The following CAMK1G variants were observed in gnomAD, a reference collection of about 807,000 sequenced individuals.
The protein encoded by CAMK1G is calcium/calmodulin dependent protein kinase IG, also known as calcium/calmodulin-dependent protein kinase type 1G.
Under a neutral mutation model 54.8 loss-of-function variants are expected in CAMK1G, and 27 were observed. That is an observed-to-expected ratio of 0.49 (90% CI 0.36 to 0.68). The LOEUF is 0.68. Among genes scored for constraint, CAMK1G ranks in the 30% least tolerant of loss-of-function variants. The pLI is 0.00. For synonymous variants in CAMK1G, 238 were observed against 224.9 expected, an observed-to-expected ratio of 1.06 and a Z score of -0.52; for missense variants, 512 against 591.0, an observed-to-expected ratio of 0.87 and a Z score of 1.39.
chr1:209,584,100 C>A (rs932484946), intron 1 of CAMK1G, among the ~76,000 whole-genome samples: 10 of 152,136 alleles, frequency 6.6e-5, no homozygotes, highest in Non-Finnish European at 1.3e-4. Flanking sequence ...ATTCTAGGGA[C>A]AAGGCTCTGT....
intron 1 of CAMK1G, among the ~76,000 whole-genome samples, chr1:209,589,222 G>A (rs1405329364): frequency 3.3e-5 from 5 of 152,288 alleles, no homozygotes; most frequent in South Asian, 2.1e-4. Flanking sequence ...GTGGGTAGAC[G>A]GACTCTAGGT....
chr1:209,600,308 A>G (rs1439676125), intron 3 of CAMK1G, among the ~76,000 whole-genome samples, 197 bp downstream of exon 3: 1 of 151,278 alleles, frequency 6.6e-6, no homozygotes, highest in Non-Finnish European at 1.5e-5. Context: ...TTTTGGCAAC[A>G]AATTGATGAG....
In CAMK1G at chr1:209,609,235, ATCT is replaced by A. The variant is rs1157842212; in HGVS notation, c.748+146_748+148del. On this transcript the variant is annotated intron_variant, in intron 8 of 12. Coordinates refer to ENST00000361322, the MANE Select transcript of CAMK1G (RefSeq NM_020439.3). ...ACAGGCTGCCAAGGAAAGTGGAGAA[ATCT>A]TCGTCTGCTTCAAAGACCCGATAAA... is the stretch of plus-strand genomic sequence containing the variant. 6 of 940,522 alleles carry A rather than the reference ATCT, an allele frequency of 6.4e-6. No homozygotes were observed. The East Asian group carries it at 1.5e-4, about 24-fold the overall frequency. The allele number at this position is 940,522 out of a possible 1,614,324, so 58.3% of individuals were successfully genotyped here.
chr1:209,605,088 T>A (rs1041094952), intron 4 of CAMK1G, among the ~76,000 whole-genome samples: 1 of 152,158 alleles, frequency 6.6e-6, no homozygotes, highest in Non-Finnish European at 1.5e-5. Context: ...TTTCCCAAAA[T>A]GAGAAGAGAA....
chr1:209,596,917 G>C (rs1011983755), intron 2 of CAMK1G, among the ~76,000 whole-genome samples: 8 of 152,198 alleles, frequency 5.3e-5, no homozygotes, highest in Admixed American at 3.3e-4. Context: ...AATTTTGGGA[G>C]ATAGGATGCA....
At chr1:209,612,663 G>C in intron 11 of CAMK1G, 122 bp from the exon 12 acceptor site, 1 of 747,142 alleles carries the variant, frequency 1.3e-6, no homozygotes, top group Non-Finnish European at 2.3e-6. Flanking sequence ...TGAACTTTCT[G>C]AACCTCATGA....
At chr1:209,596,749 A>C (rs1233602832) in intron 2 of CAMK1G, among the ~76,000 whole-genome samples, 2 of 152,022 alleles carry the variant, frequency 1.3e-5, no homozygotes, top group Non-Finnish European at 1.5e-5. Context: ...ACATGATGAC[A>C]TGTCACCTCT....
intron 6 of CAMK1G, among the ~76,000 whole-genome samples, 154 bp downstream of exon 6, chr1:209,606,597 C>T (rs1301073959): frequency 6.6e-6 from 1 of 152,206 alleles, no homozygotes; most frequent in Non-Finnish European, 1.5e-5. Context: ...CCAGCCAATT[C>T]ATCCGTCTCA....
At chr1:209,584,552 A>C (rs530897189) in intron 1 of CAMK1G, among the ~76,000 whole-genome samples, 2 of 151,978 alleles carry the variant, frequency 1.3e-5, no homozygotes, top group South Asian at 2.1e-4. Flanking sequence ...CACCACCACC[A>C]CCCCCATCCA....
Position 209,600,094 on chromosome 1 carries a change from G to T in CAMK1G, c.204G>T (p.Glu68Asp). The T allele has an allele frequency of 6.2e-7, 1 of 1,613,752 alleles. No individual in the cohort carries two copies. The highest frequency in any genetic ancestry group is 8.5e-7 in the Non-Finnish European group (1 of 1,179,792). The change falls in exon 3 of 13, where the codon GAG becomes GAT. Residue 68 changes from glutamate (E) to aspartate (D), a missense_variant. Physicochemically the swap from Glu to Asp is conservative, Grantham distance 45 (BLOSUM62 2). Transcript: ENST00000361322. ...TCCGGGACAGCAGCCTGGAGAATGA[G>T]ATTGCTGTGTTGAAAAAGTGAGTGG... The part of the protein sequence containing the change: ...PAFRDSSLEN[E>D]IAVLKKIKHE...
chr1:209,594,333 C>T (rs1221908227), intron 1 of CAMK1G, among the ~76,000 whole-genome samples: 1 of 152,220 alleles, frequency 6.6e-6, no homozygotes, highest in Non-Finnish European at 1.5e-5. Flanking sequence ...CGGCACCTTG[C>T]ACACGGTAGG....
intron 8 of CAMK1G, 119 bp downstream of exon 8, chr1:209,609,211 C>A: frequency 8.5e-7 from 1 of 1,170,682 alleles, no homozygotes; most frequent in Non-Finnish European, 1.2e-6. Context: ...TCTTACAGAA[C>A]AGGCTGCCAA....
rs561668582 is a variant in CAMK1G at position 209,607,774 on chromosome 1, C to A, written c.560-84C>A. ...CCATCCCACAGTCTTCCCCAGACCT[C>A]TTCTCTAAGCCTGGCCTTCAGCTCC... is the stretch of plus-strand genomic sequence containing the variant. On this transcript the variant is annotated intron_variant, in intron 6 of 12. Transcript: ENST00000361322. 8.5e-5 allele frequency: 96 copies of A among 1,124,696 alleles called. No individual in the cohort carries two copies. In the African/African-American group the frequency reaches 1.4e-3, roughly 16 times the overall value. The allele number at this position is 1,124,696 out of a possible 1,614,324, so 69.7% of individuals were successfully genotyped here.
intron 8 of CAMK1G, 53 bp downstream of exon 8, chr1:209,609,145 A>C: frequency 6.2e-7 from 1 of 1,609,470 alleles, no homozygotes; most frequent in South Asian, 1.1e-5. Flanking sequence ...AGAGGCTGCC[A>C]AGAGAAATGA....
rs190329258 is a variant in CAMK1G at position 209,611,602 on chromosome 1, G to A, written c.915+50G>A. The A allele has an allele frequency of 3.0e-5, 47 of 1,563,566 alleles. 1 individual carries two copies. The Admixed American group carries it at 6.5e-4, about 22-fold the overall frequency. ...GGAAAGCTGTTCTGGGCCCCTGGAG[G>A]CTGGGCTGGCAGGGGCTGACATAAG... On this transcript the variant is annotated intron_variant, in intron 10 of 12. Transcript: ENST00000361322.
intron 9 of CAMK1G, among the ~76,000 whole-genome samples, chr1:209,610,142 T>C (rs1558142084): frequency 6.6e-6 from 1 of 152,146 alleles, no homozygotes; most frequent in Non-Finnish European, 1.5e-5. Flanking sequence ...AGCTGGGTTG[T>C]CTGGTCAAGT....
chr1:209,590,017 T>C (rs1367197238), intron 1 of CAMK1G, among the ~76,000 whole-genome samples: 2 of 152,196 alleles, frequency 1.3e-5, no homozygotes, highest in African/African-American at 2.4e-5. Flanking sequence ...TCCTGAGCTA[T>C]CGATGTGAAA....
At chr1:209,607,554 T>C (rs190227911) in intron 6 of CAMK1G, among the ~76,000 whole-genome samples, 1 of 152,274 alleles carries the variant, frequency 6.6e-6, no homozygotes, top group African/African-American at 2.4e-5. Context: ...GGCCCTGCCT[T>C]CAGAGAATAC....
At chr1:209,612,637 C>A (rs931837228) in intron 11 of CAMK1G, 148 bp from the exon 12 acceptor site, 33 of 641,080 alleles carry the variant, frequency 5.1e-5, no homozygotes, top group Non-Finnish European at 2.2e-5. Flanking sequence ...TTATCTTTAT[C>A]TTTTCTGCAG....
Sources: gnomAD v4.1 joint callset for allele counts (sites outside exome capture counted in the v4.1 genomes callset) on GRCh38, gnomAD v4.1.1 for gene constraint, MANE v1.5 for transcripts, NCBI Gene and HGNC (gene_info 2026-07-23, HGNC 2026-07-21) for gene names.